INSL6: variants seen among roughly 807,000 people sequenced by gnomAD.
INSL6 encodes insulin-like peptide INSL6.
INSL6 carries 16 observed loss-of-function variants against 9.4 expected under a neutral mutation model. The observed-to-expected ratio is 1.70, with a 90% CI of 1.15 to 2.59. The LOEUF (loss-of-function observed/expected upper bound fraction) is 2.59. Among genes scored for constraint, INSL6 ranks in the 30% most tolerant of loss-of-function variants. The probability of loss-of-function intolerance (pLI) is 0.00; values close to 1 mark genes in which losing one functional copy is unlikely to be tolerated. For synonymous variants in INSL6, 154 were observed against 96.9 expected, an observed-to-expected ratio of 1.59 and a Z score of -3.46; for missense variants, 391 against 257.3, an observed-to-expected ratio of 1.52 and a Z score of -3.56.
chr9:5,087,470 T>C, the INSL6 span, among the ~76,000 whole-genome samples: 1 of 114,948 alleles, frequency 8.7e-6, no homozygotes, highest in African/African-American at 5.8e-5. Flanking sequence ...TGCCAAACCA[T>C]ATCACTCCCT....
At chr9:5,170,543 A>G (rs1825156734) in intron 1 of INSL6, among the ~76,000 whole-genome samples, 1 of 146,662 alleles carries the variant, frequency 6.8e-6, no homozygotes, top group African/African-American at 2.6e-5. Context: ...CAAACAATCA[A>G]TGAATCCAGG....
At chr9:5,001,788 G>T in the INSL6 span, among the ~76,000 whole-genome samples, 1 of 151,952 alleles carries the variant, frequency 6.6e-6, no homozygotes, top group Non-Finnish European at 1.5e-5. Flanking sequence ...CTTTCCCAGG[G>T]AAGTCACTTT....
At chr9:5,020,409 C>T in the INSL6 span, among the ~76,000 whole-genome samples, 2 of 152,122 alleles carry the variant, frequency 1.3e-5, no homozygotes, top group African/African-American at 2.4e-5. Context: ...TCAGGCCCTC[C>T]AGTGGTGTTA....
the INSL6 span, among the ~76,000 whole-genome samples, chr9:5,024,215 C>A: frequency 6.6e-6 from 1 of 152,116 alleles, no homozygotes; most frequent in African/African-American, 2.4e-5. Context: ...GAGATTGCGC[C>A]ACTGCACTCC....
the INSL6 span, among the ~76,000 whole-genome samples, chr9:5,092,045 A>ACAAT: frequency 1.2e-3 from 185 of 152,264 alleles, 1 homozygote; most frequent in African/African-American, 4.3e-3. Context: ...ATCATTAATA[A>ACAAT]CAATCAGAAT....
chr9:5,026,274 T>G, the INSL6 span, among the ~76,000 whole-genome samples: 1 of 152,220 alleles, frequency 6.6e-6, no homozygotes, highest in Non-Finnish European at 1.5e-5. Flanking sequence ...TAATCATTAT[T>G]CATTATAAAT....
the INSL6 span, among the ~76,000 whole-genome samples, chr9:5,004,910 C>T: frequency 6.8e-6 from 1 of 147,120 alleles, no homozygotes; most frequent in African/African-American, 2.6e-5. Context: ...TGGCCATTTA[C>T]ATATTGTCTT....
chr9:5,004,041 G>T, the INSL6 span, among the ~76,000 whole-genome samples: 1 of 151,886 alleles, frequency 6.6e-6, no homozygotes, highest in African/African-American at 2.4e-5. Flanking sequence ...TTGTATATAT[G>T]GTGTACAACA....
At chr9:5,087,116 G>A in the INSL6 span, among the ~76,000 whole-genome samples, 1 of 152,124 alleles carries the variant, frequency 6.6e-6, no homozygotes, top group Non-Finnish European at 1.5e-5. Flanking sequence ...ACTCTTACTG[G>A]TTGTATTAGT....
chr9:5,109,006 A>G, the INSL6 span: 1 of 152,070 alleles, frequency 6.6e-6, no homozygotes. Context: ...ACTTCTAGCA[A>G]ATCTCACTAA....
chr9:5,047,351 T>C, the INSL6 span, among the ~76,000 whole-genome samples: 1 of 152,176 alleles, frequency 6.6e-6, no homozygotes, highest in Non-Finnish European at 1.5e-5. Flanking sequence ...GGAAGACAGA[T>C]TTGGAAAAGG....
chr9:5,078,567 T>G, the INSL6 span: 24 of 743,322 alleles, frequency 3.2e-5, no homozygotes, highest in Admixed American at 1.6e-4. Flanking sequence ...ATAATAAAAT[T>G]ATCACTTTTA....
At chr9:5,011,607 A>G in the INSL6 span, among the ~76,000 whole-genome samples, 2 of 152,196 alleles carry the variant, frequency 1.3e-5, no homozygotes, top group East Asian at 1.9e-4. Context: ...TTTAAAATAA[A>G]TTCTAATATT....
At chr9:5,117,507 T>C in the INSL6 span, among the ~76,000 whole-genome samples, 1 of 152,196 alleles carries the variant, frequency 6.6e-6, no homozygotes, top group African/African-American at 2.4e-5. Flanking sequence ...TTCATAAGTA[T>C]AGTTTTCCAG....
chr9:5,006,638 A>G, the INSL6 span, among the ~76,000 whole-genome samples: 2 of 152,184 alleles, frequency 1.3e-5, no homozygotes, highest in Non-Finnish European at 2.9e-5. Flanking sequence ...AACAGGAAAG[A>G]GACAGCAAAG....
intron 2 of INSL6, among the ~76,000 whole-genome samples, chr9:5,136,105 C>T (rs1050797972): frequency 1.2e-4 from 18 of 152,134 alleles, no homozygotes; most frequent in African/African-American, 4.3e-4. Context: ...AGACCAATAA[C>T]AACTTCTGAA....
chr9:5,132,315 G>T (rs772801272), intron 3 of INSL6, among the ~76,000 whole-genome samples: 3 of 152,074 alleles, frequency 2.0e-5, no homozygotes, highest in Non-Finnish European at 4.4e-5. Flanking sequence ...TAGGAAAAAA[G>T]AATTTCAGTT....
At chr9:5,065,738 A>G in the INSL6 span, among the ~76,000 whole-genome samples, 1 of 152,190 alleles carries the variant, frequency 6.6e-6, no homozygotes, top group African/African-American at 2.4e-5. Context: ...AGTCCTAATG[A>G]TCTCTTAGCT....
intron 1 of INSL6, among the ~76,000 whole-genome samples, chr9:5,182,920 A>G (rs1011374781): frequency 2.8e-4 from 43 of 152,324 alleles, no homozygotes; most frequent in African/African-American, 1.0e-3. Context: ...CAAGATATGT[A>G]TAAGTAGCTT....
Sources: gnomAD v4.1 joint callset for allele counts (sites outside exome capture counted in the v4.1 genomes callset) on GRCh38, gnomAD v4.1.1 for gene constraint, MANE v1.5 for transcripts, NCBI Gene and HGNC (gene_info 2026-07-23, HGNC 2026-07-21) for gene names.